Variants in KAT6A observed in about 807,000 individuals in gnomAD.
The protein encoded by KAT6A is lysine acetyltransferase 6A.
KAT6A carries 9 observed loss-of-function variants against 198.4 expected under a neutral mutation model. The ratio of observed to expected loss-of-function variants is 0.05; its 90% CI spans 0.03 to 0.08. KAT6A has a LOEUF of 0.08. KAT6A is among the 10% of genes least tolerant of loss of function. The pLI is 1.00. For missense variants in KAT6A, 2,077 were observed against 2,509.9 expected (o/e 0.83, Z 3.69); for synonymous variants, 890 against 883.0 (o/e 1.01, Z -0.14).
intron 2 of KAT6A, 63 bp from the exon 3 acceptor site, chr8:41,987,626 A>T (rs1824688127): frequency 1.1e-6 from 1 of 951,100 alleles, no homozygotes; most frequent in African/African-American, 1.6e-5. Context: ...CTACAAAGAC[A>T]TCAAAATTAT....
chr8:42,027,282 G>T (rs981063994), intron 2 of KAT6A, among the ~76,000 whole-genome samples: 1 of 152,138 alleles, frequency 6.6e-6, no homozygotes, highest in Non-Finnish European at 1.5e-5. Context: ...TTGGTATTGG[G>T]ATAATGCTGG....
rs1821437227 is a variant in KAT6A, at chr8:41,929,860, T to G, written c.*2345A>C. 9.8e-6 allele frequency: 2 copies of G among 204,408 alleles called. No homozygotes were observed. The highest frequency in any genetic ancestry group is 3.8e-4 in the South Asian group (2 of 5,292). 12.7% of individuals were successfully genotyped at this position (204,408 alleles called of 1,614,324 possible). On this transcript the variant is annotated 3_prime_UTR_variant, in exon 17 of 17. Coordinates refer to ENST00000265713, the MANE Select transcript of KAT6A (RefSeq NM_006766.5). ...TATTCTACAACAAAGATAAAAAATT[T>G]TAAAGATGGAATGAAATGAAAAAGC...
Position 41,937,336 on chromosome 8 carries a change from T to C in KAT6A, c.3272A>G (p.Gln1091Arg). ...AGAGGACTGACACCTGAGTACATCCTGCGAAGACAAACGACGGAAGTATTC... is the reference window on the plus strand; with the variant it reads ...AGAGGACTGACACCTGAGTACATCCCGCGAAGACAAACGACGGAAGTATTC... Reference protein sequence around the residue: ...PREYFRRLSSQDVLRCQSSSK... With the variant: ...PREYFRRLSSRDVLRCQSSSK... Residue 1091 changes from glutamine (Q) to arginine (R), a missense_variant, in exon 16 of 17, where the codon CAG becomes CGG. By Grantham distance (43) the Gln-to-Arg change is conservative. This residue lies in a region of KAT6A where 375 missense variants were observed against 383.0 expected (regional missense o/e 0.98). Transcript: ENST00000265713. 1.9e-6 allele frequency: 3 copies of C among 1,614,118 alleles called. No individual in the cohort carries two copies. Among genetic ancestry groups the C allele is most frequent in the Non-Finnish European group, 2.5e-6 (3 of 1,179,952 alleles).
At chr8:41,982,100 A>G in intron 3 of KAT6A, 146 bp from the exon 4 acceptor site, 2 of 575,764 alleles carry the variant, frequency 3.5e-6, no homozygotes, top group Non-Finnish European at 6.3e-6. Flanking sequence ...AGCCTGCCAC[A>G]CATTTCTCAT....
At chr8:41,947,655 A>T in intron 11 of KAT6A, 96 bp downstream of exon 11, 2 of 927,424 alleles carry the variant, frequency 2.2e-6, no homozygotes, top group Non-Finnish European at 3.3e-6. Flanking sequence ...GACACCTAGG[A>T]GGTGCTGCAT....
intron 2 of KAT6A, among the ~76,000 whole-genome samples, chr8:42,003,375 G>A (rs765824923): frequency 3.3e-5 from 5 of 151,948 alleles, no homozygotes; most frequent in Admixed American, 1.3e-4. Flanking sequence ...ATCAGGCAGC[G>A]GGCCTTCCTC....
At chr8:42,051,276 C>G (rs1366688517) in intron 1 of KAT6A, among the ~76,000 whole-genome samples, 1 of 151,986 alleles carries the variant, frequency 6.6e-6, no homozygotes, top group African/African-American at 2.4e-5. Context: ...GGGCTGACAG[C>G]CCGGCAGACA....
At chr8:41,955,533 C>T in intron 8 of KAT6A, 122 bp from the exon 9 acceptor site, 1 of 618,648 alleles carries the variant, frequency 1.6e-6, no homozygotes, top group Non-Finnish European at 2.9e-6. Context: ...AAAACAAAAG[C>T]CAGAACAAGC....
In KAT6A at chr8:41,964,292, T is replaced by C. The variant is rs542492442; in HGVS notation, c.1483-8881A>G. On this transcript the variant is annotated intron_variant, in intron 8 of 16. Transcript: ENST00000265713. ...AGTTGTATTAAATGAAACAAATTAA[T>C]ATATAATGCTGAATATAGTATTTTA... Among the ~76,000 whole-genome samples the C allele has an allele frequency of 2.9e-4, 44 of 152,320 alleles. 1 individual carries two copies. Among genetic ancestry groups the C allele is most frequent in the Admixed American group, 9.2e-4 (14 of 15,290 alleles).
chr8:42,013,307 G>A (rs534683362), intron 2 of KAT6A, among the ~76,000 whole-genome samples: 15 of 149,438 alleles, frequency 1.0e-4, no homozygotes, highest in African/African-American at 3.5e-4. Context: ...CCAGGCTGGA[G>A]TGCAGTGGCG....
In KAT6A at chr8:41,944,395, G is replaced by GT. The variant is rs139545895; in HGVS notation, c.1997-417dup. Among the ~76,000 whole-genome samples the GT allele has an allele frequency of 3.3e-3, 497 of 152,238 alleles. 1 individual carries two copies. The highest frequency in any genetic ancestry group is 0.012 in the African/African-American group (479 of 41,538). ...TTCACATAATCCTATTAAAATTGTAGTTCTGTCAGTGAATTAGATGACAAT... is the reference window on the plus strand; with the variant it reads ...TTCACATAATCCTATTAAAATTGTAGTTTCTGTCAGTGAATTAGATGACAAT... On this transcript the variant is annotated intron_variant, in intron 12 of 16. Coordinates refer to ENST00000265713, the MANE Select transcript of KAT6A (RefSeq NM_006766.5).
chr8:42,040,137 T>A (rs1370872790), intron 2 of KAT6A, among the ~76,000 whole-genome samples: 1 of 151,934 alleles, frequency 6.6e-6, no homozygotes, highest in Non-Finnish European at 1.5e-5. Flanking sequence ...TTTTGAGACT[T>A]CAATAAGAAA....
rs1207994279 is a variant in KAT6A, at chr8:41,937,267, T to C, written c.3341A>G (p.Asp1114Gly). Residue 1114 changes from aspartate to glycine, a missense_variant, in exon 16 of 17, where the codon GAT becomes GGT. Physicochemically the swap from Asp to Gly is moderately conservative, Grantham distance 94. This residue lies in a region of KAT6A where 375 missense variants were observed against 383.0 expected (regional missense o/e 0.98). Coordinates refer to ENST00000265713, the MANE Select transcript of KAT6A (RefSeq NM_006766.5). The stretch of plus-strand genomic sequence containing the variant: ...TCTGTAAAACATACCATCAGCATCA[T>C]CTGACTCTTCATCTTCTTCTTCATC... The part of the protein sequence containing the change: ...SKDEEEDEES[D>G]DADDTPILKP... 1 of 1,612,918 alleles carries C rather than the reference T, an allele frequency of 6.2e-7. No homozygotes were observed. The highest frequency in any genetic ancestry group is 8.5e-7 in the Non-Finnish European group (1 of 1,179,156).
Position 41,932,613 on chromosome 8 carries a change from A to G in KAT6A, c.5607T>C (p.Ala1869=). 1.9e-6 allele frequency: 3 copies of G among 1,614,060 alleles called. No individual in the cohort carries two copies. The highest frequency in any genetic ancestry group is 2.5e-6 in the Non-Finnish European group (3 of 1,179,902). The stretch of plus-strand genomic sequence containing the variant: ...TACGGCCATACAGCTGCTGCTGGTG[A>G]GCAGCCGCAGAGGGCAGTGGCGCAG... ...SKSAPLPSAA[A]HQQQLYGRSP... is the part of the protein sequence containing the mutation. The change falls in exon 17 of 17, where the codon GCT becomes GCC. Residue 1869 remains alanine, a synonymous_variant. Transcript: ENST00000265713.
rs765184313 is a variant in KAT6A, at chr8:41,931,307, AAAAACAAGAGGTTAATCTCC to A, written c.*878_*897del. On this transcript the variant is annotated 3_prime_UTR_variant, in exon 17 of 17. Coordinates refer to ENST00000265713, the MANE Select transcript of KAT6A (RefSeq NM_006766.5). ...TTATGGCTGATTCACCAGGTGGTAA[AAAAACAAGAGGTTAATCTCC>A]TCTTTTTGATTGTTAATTGACCATC... 72 of 218,942 alleles carry A rather than the reference AAAAACAAGAGGTTAATCTCC, an allele frequency of 3.3e-4. No individual in the cohort carries two copies. Among genetic ancestry groups the A allele is most frequent in the Admixed American group, 6.4e-4 (11 of 17,280 alleles). The allele number at this position is 218,942 out of a possible 1,614,324, so 13.6% of individuals were successfully genotyped here.
intron 2 of KAT6A, among the ~76,000 whole-genome samples, chr8:42,040,670 G>A (rs1165106096): frequency 6.9e-6 from 1 of 143,932 alleles, no homozygotes; most frequent in Non-Finnish European, 1.5e-5. Context: ...AGGAGGCGGA[G>A]GCTGCAGTGA....
intron 15 of KAT6A, among the ~76,000 whole-genome samples, chr8:41,939,725 G>C (rs1293754106): frequency 6.6e-6 from 1 of 152,180 alleles, no homozygotes; most frequent in Non-Finnish European, 1.5e-5. Flanking sequence ...GAAATTCTGA[G>C]AAACTACCAC....
chr8:41,988,002 T>C (rs1290946879), intron 2 of KAT6A, among the ~76,000 whole-genome samples: 1 of 152,084 alleles, frequency 6.6e-6, no homozygotes. Flanking sequence ...AGAGAAACAG[T>C]AAGTGTTTTC....
chr8:42,045,845 C>T (rs917192825), intron 2 of KAT6A, among the ~76,000 whole-genome samples: 1 of 149,736 alleles, frequency 6.7e-6, no homozygotes, highest in Non-Finnish European at 1.5e-5. Context: ...AGTAGCCACA[C>T]GTGGTGGCGC....
Sources: allele counts gnomAD v4.1 joint callset (sites outside exome capture counted in the v4.1 genomes callset), GRCh38; gene constraint gnomAD v4.1.1; regional missense constraint gnomAD v4.1.1; transcripts MANE v1.5; gene names NCBI Gene and HGNC (gene_info 2026-07-23, HGNC 2026-07-21).